The following OLFML2B variants were observed in gnomAD, a reference collection of about 807,000 sequenced individuals.
OLFML2B encodes the protein olfactomedin-like protein 2B.
A neutral mutation model predicts 74.9 loss-of-function variants in OLFML2B; 57 were observed. The ratio of observed to expected loss-of-function variants is 0.76; its 90% CI spans 0.61 to 0.95. The LOEUF is 0.95. OLFML2B is among the 40% of genes least tolerant of loss of function. The probability of loss-of-function intolerance (pLI) is 0.00; values close to 1 mark genes in which losing one functional copy is unlikely to be tolerated. For synonymous variants in OLFML2B, 388 were observed against 405.8 expected, an observed-to-expected ratio of 0.96 and a Z score of 0.53; for missense variants, 986 against 970.6, an observed-to-expected ratio of 1.02 and a Z score of -0.21.
rs1236106857 is a variant in OLFML2B at position 162,006,369 on chromosome 1, G to A, written c.651C>T (p.Asn217=). Residue 217 remains asparagine (N), a synonymous_variant, in exon 4 of 8, where the codon AAC becomes AAT. Coordinates refer to ENST00000294794, the MANE Select transcript of OLFML2B (RefSeq NM_015441.3). ...NKRGKENCSE[N]ILDSMPDIRS... ...GGATGTCTGGCATGCTATCTAGGAT[G>A]TTTTCAGAGCAATTTTCTTTGCCTC... 5 of 1,612,874 alleles carry A rather than the reference G, an allele frequency of 3.1e-6. 1 individual carries two copies. In the East Asian group the frequency reaches 1.1e-4, roughly 36 times the overall value.
intron 6 of OLFML2B, among the ~76,000 whole-genome samples, chr1:161,988,756 C>T (rs1689657150): frequency 6.6e-6 from 1 of 152,088 alleles, no homozygotes; most frequent in Non-Finnish European, 1.5e-5. Context: ...AGACTCAGCT[C>T]CTGCCAACAA....
chr1:161,996,030 G>T (rs969498904), intron 6 of OLFML2B, among the ~76,000 whole-genome samples: 2 of 152,128 alleles, frequency 1.3e-5, no homozygotes, highest in African/African-American at 4.8e-5. Flanking sequence ...CCCTGCTTCA[G>T]AAACTTAAAC....
intron 3 of OLFML2B, among the ~76,000 whole-genome samples, chr1:162,016,397 C>T (rs899601763): frequency 2.2e-4 from 33 of 152,224 alleles, no homozygotes; most frequent in Admixed American, 6.5e-4. Flanking sequence ...CCACAAACCG[C>T]TACATCTACT....
chr1:162,021,281 G>A (rs1176361397), intron 1 of OLFML2B, among the ~76,000 whole-genome samples: 1 of 152,256 alleles, frequency 6.6e-6, no homozygotes, highest in East Asian at 1.9e-4. Context: ...ACCCAGGAAA[G>A]CAAACTGGCA....
chr1:161,995,895 G>A (rs1221189188), intron 6 of OLFML2B, among the ~76,000 whole-genome samples: 1 of 152,176 alleles, frequency 6.6e-6, no homozygotes, highest in African/African-American at 2.4e-5. Context: ...CATGGCAAAG[G>A]GAGAGATGGA....
intron 6 of OLFML2B, among the ~76,000 whole-genome samples, chr1:161,996,310 T>C (rs1452570063): frequency 3.3e-5 from 5 of 152,208 alleles, no homozygotes; most frequent in African/African-American, 1.2e-4. Flanking sequence ...AGCAGAATCA[T>C]GACCTGGTAA....
At chr1:162,018,849 A>T (rs180927479) in intron 2 of OLFML2B, among the ~76,000 whole-genome samples, 1 of 152,376 alleles carries the variant, frequency 6.6e-6, no homozygotes, top group African/African-American at 2.4e-5. Flanking sequence ...CCAGAGGAAG[A>T]GAGCTGAATC....
intron 6 of OLFML2B, among the ~76,000 whole-genome samples, chr1:161,996,984 C>T (rs1457980294): frequency 6.6e-6 from 1 of 152,066 alleles, no homozygotes; most frequent in African/African-American, 2.4e-5. Context: ...GGTGAAAACC[C>T]GTCTCTACTA....
chr1:161,997,686 G>A (rs1242871352), intron 6 of OLFML2B, 139 bp downstream of exon 6: 1 of 878,484 alleles, frequency 1.1e-6, no homozygotes, highest in Non-Finnish European at 1.7e-6. Flanking sequence ...ACTAATCGTT[G>A]GTCAAAGGCT....
rs1689971440 is a variant in OLFML2B, at chr1:161,998,129, T to C, written c.1170A>G (p.Ser390=). The C allele has an allele frequency of 6.2e-7, 1 of 1,613,942 alleles. No homozygotes were observed. Among genetic ancestry groups the C allele is most frequent in the Non-Finnish European group, 8.5e-7 (1 of 1,180,040 alleles). Residue 390 remains serine (S), a synonymous_variant, in exon 6 of 8, where the codon TCA becomes TCG. Transcript: ENST00000294794. The stretch of plus-strand genomic sequence containing the variant: ...AGGTTGTTTGGAGTGTTGGTCCCAC[T>C]GAGGCATGGTTGGCGATGCTGGGAT... ...TSDPSIANHA[S]VGPTLQTTSV...
chr1:162,001,549 C>G (rs1224989766), intron 4 of OLFML2B, among the ~76,000 whole-genome samples: 1 of 152,220 alleles, frequency 6.6e-6, no homozygotes, highest in Non-Finnish European at 1.5e-5. Context: ...CAGCCCTGGA[C>G]TGCCTGCCTC....
At chr1:162,000,991 C>T (rs967565516) in intron 4 of OLFML2B, among the ~76,000 whole-genome samples, 2 of 152,198 alleles carry the variant, frequency 1.3e-5, no homozygotes, top group African/African-American at 2.4e-5. Context: ...CTGCACCCCA[C>T]GCCCTAGGCA....
Position 162,020,514 on chromosome 1 carries a change from TTTTC to T in OLFML2B, c.175-336_175-333del, listed in dbSNP as rs376800530. ...TGCTACAATCCAGGTTTAGGCTTTC[TTTTC>T]TTTCTTTCTTTTTCTTTTTTTTTTT... is the stretch of plus-strand genomic sequence containing the variant. On this transcript the variant is annotated intron_variant, in intron 1 of 7. Coordinates refer to ENST00000294794, the MANE Select transcript of OLFML2B (RefSeq NM_015441.3). 2.0e-3 allele frequency among the ~76,000 whole-genome samples: 300 copies of T among 152,064 alleles called. 1 individual carries two copies. The highest frequency in any genetic ancestry group is 5.7e-3 in the African/African-American group (236 of 41,458).
At chr1:161,986,148 G>T (rs1312661959) in intron 6 of OLFML2B, among the ~76,000 whole-genome samples, 1 of 152,168 alleles carries the variant, frequency 6.6e-6, no homozygotes, top group Non-Finnish European at 1.5e-5. Flanking sequence ...CCTGCTGGCA[G>T]CTGGGGCCAG....
intron 4 of OLFML2B, among the ~76,000 whole-genome samples, chr1:162,005,699 C>A (rs974670836): frequency 1.3e-5 from 2 of 151,602 alleles, no homozygotes; most frequent in African/African-American, 4.9e-5. Context: ...CCAGACCAGC[C>A]GCATTTACAG....
intron 3 of OLFML2B, among the ~76,000 whole-genome samples, chr1:162,006,678 C>T (rs1229981128): frequency 2.6e-5 from 4 of 152,214 alleles, no homozygotes; most frequent in African/African-American, 4.8e-5. Context: ...GGCAGCTCAG[C>T]GCTTGGATAT....
At position 161,984,995 on chromosome 1, in the gene OLFML2B, G is replaced by T. The variant is rs762707020; in HGVS notation, c.1475-15C>A. ...CTTGCACCTTCCTGGTGGAGAAGAG[G>T]TGGATGGAGGTTTTGGGCTGATCTA... On this transcript the variant is annotated splice_polypyrimidine_tract_variant and intron_variant, in intron 6 of 7. Coordinates refer to ENST00000294794, the MANE Select transcript of OLFML2B (RefSeq NM_015441.3). The T allele has an allele frequency of 6.3e-7, 1 of 1,596,870 alleles. No individual in the cohort carries two copies.
At position 162,000,249 on chromosome 1, in the gene OLFML2B, C is replaced by A. The variant is rs1558059980; in HGVS notation, c.813G>T (p.Glu271Asp). The A allele has an allele frequency of 6.2e-7, 1 of 1,613,872 alleles. No individual in the cohort carries two copies. The change falls in exon 5 of 8, where the codon GAG (glutamate) becomes GAT (aspartate). Residue 271 changes from glutamate to aspartate, a missense_variant. Glu to Asp is a conservative substitution (Grantham distance 45). Transcript: ENST00000294794. The stretch of plus-strand genomic sequence containing the variant: ...GCAGGGGCCGCTGTGACTTCACCAC[C>A]TCAGGCAGAGCCAGGGGTCGCGTCT... ...LLQTRPLALPEVVKSQRPLQR... is the reference protein window; with the variant it reads ...LLQTRPLALPDVVKSQRPLQR...
In OLFML2B at chr1:161,983,549, G is replaced by T; in HGVS notation, c.*126C>A. On this transcript the variant is annotated 3_prime_UTR_variant, in exon 8 of 8. Coordinates refer to ENST00000294794, the MANE Select transcript of OLFML2B (RefSeq NM_015441.3). ...AGACCCAAATTGTCATTTTACATTT[G>T]CAATATTATACAAAATAATATATAT... The T allele has an allele frequency of 1.9e-6, 2 of 1,048,940 alleles. No individual in the cohort carries two copies. The highest frequency in any genetic ancestry group is 1.4e-6 in the Non-Finnish European group (1 of 740,566). The allele number at this position is 1,048,940 out of a possible 1,614,324, so 65.0% of individuals were successfully genotyped here. A position where few individuals can be genotyped will look rare whatever the true frequency, so the allele number is the denominator to read the frequency against.
Sources: allele counts gnomAD v4.1 joint callset (sites outside exome capture counted in the v4.1 genomes callset), GRCh38; gene constraint gnomAD v4.1.1; transcripts MANE v1.5; gene names NCBI Gene and HGNC (gene_info 2026-07-23, HGNC 2026-07-21).